Variants in SGCD observed in about 807,000 individuals in gnomAD.
SGCD encodes sarcoglycan delta.
In SGCD, 18 loss-of-function variants were observed where a neutral mutation model predicts 36.6. The ratio of observed to expected loss-of-function variants is 0.49; its 90% CI spans 0.34 to 0.73. The LOEUF (loss-of-function observed/expected upper bound fraction) is 0.73, where lower values mean the gene tolerates loss of function less well. Ranked by LOEUF, SGCD falls within the 30% of genes least tolerant of loss-of-function variation. SGCD has a pLI of 0.01. For missense variants in SGCD, 387 were observed against 346.7 expected (o/e 1.12, Z -0.92); for synonymous variants, 133 against 130.6 (o/e 1.02, Z -0.12).
intron 1 of SGCD, among the ~76,000 whole-genome samples, chr5:156,031,686 G>A (rs927230632): frequency 5.9e-5 from 9 of 152,172 alleles, no homozygotes; most frequent in Non-Finnish European, 1.2e-4. Flanking sequence ...AGTGTATGAT[G>A]TATGTCAGGC....
chr5:155,738,645 T>C, the SGCD span, among the ~76,000 whole-genome samples: 1 of 151,908 alleles, frequency 6.6e-6, no homozygotes, highest in Non-Finnish European at 1.5e-5. Flanking sequence ...TGTGAGAGTG[T>C]GTGTGTGTGA....
chr5:155,753,352 A>G, the SGCD span, among the ~76,000 whole-genome samples: 2 of 151,610 alleles, frequency 1.3e-5, no homozygotes, highest in African/African-American at 4.9e-5. Context: ...AAAGAAAGAA[A>G]GAAATGGGTC....
At chr5:156,697,227 G>A (rs1409780428) in intron 7 of SGCD, among the ~76,000 whole-genome samples, 1 of 151,920 alleles carries the variant, frequency 6.6e-6, no homozygotes. Flanking sequence ...ACTTTACATG[G>A]GCAAATTATA....
chr5:156,039,768 G>C (rs968188442), intron 1 of SGCD, among the ~76,000 whole-genome samples: 2 of 152,058 alleles, frequency 1.3e-5, no homozygotes, highest in African/African-American at 4.8e-5. Flanking sequence ...TTCTGTTTCA[G>C]CATCGTGAAA....
At chr5:156,628,525 A>T (rs552178141) in intron 6 of SGCD, among the ~76,000 whole-genome samples, 1 of 152,378 alleles carries the variant, frequency 6.6e-6, no homozygotes, top group Admixed American at 6.5e-5. Context: ...TACTTAGTTT[A>T]TAATGAGAAC....
At chr5:156,331,356 G>A (rs927214751) in intron 2 of SGCD, among the ~76,000 whole-genome samples, 7 of 152,202 alleles carry the variant, frequency 4.6e-5, no homozygotes, top group Non-Finnish European at 8.8e-5. Context: ...CTGTAGGACT[G>A]GGGAGGAACA....
intron 1 of SGCD, among the ~76,000 whole-genome samples, chr5:156,069,399 G>C (rs1397138749): frequency 6.6e-6 from 1 of 152,034 alleles, no homozygotes; most frequent in African/African-American, 2.4e-5. Flanking sequence ...CCCATTGCTT[G>C]TTTTTCTCAG....
chr5:155,782,807 G>T, the SGCD span, among the ~76,000 whole-genome samples: 1 of 152,104 alleles, frequency 6.6e-6, no homozygotes, highest in Non-Finnish European at 1.5e-5. Flanking sequence ...CTCCTTATGA[G>T]AATCTAATGC....
At chr5:156,293,791 T>C (rs1766822324) in intron 3 of SGCD, among the ~76,000 whole-genome samples, 1 of 152,152 alleles carries the variant, frequency 6.6e-6, no homozygotes, top group South Asian at 2.1e-4. Flanking sequence ...GTTTTGGCTC[T>C]TCAGGATCTC....
At chr5:156,328,399 T>A (rs1767912288) in intron 1 of SGCD, among the ~76,000 whole-genome samples, 1 of 152,234 alleles carries the variant, frequency 6.6e-6, no homozygotes, top group Non-Finnish European at 1.5e-5. Flanking sequence ...GAATGGAATC[T>A]TGGATACTTC....
intron 1 of SGCD, among the ~76,000 whole-genome samples, chr5:155,964,385 G>A (rs920806167): frequency 6.6e-6 from 1 of 151,906 alleles, no homozygotes; most frequent in Non-Finnish European, 1.5e-5. Context: ...TGTCACCCAG[G>A]TTGGAGTGCA....
chr5:155,777,044 T>G, the SGCD span, among the ~76,000 whole-genome samples: 15 of 152,066 alleles, frequency 9.9e-5, no homozygotes, highest in Non-Finnish European at 1.9e-4. Context: ...AGATCTGAAG[T>G]GTTGCTGTTG....
chr5:156,224,110 G>A (rs1399372387), intron 3 of SGCD, among the ~76,000 whole-genome samples: 1 of 151,862 alleles, frequency 6.6e-6, no homozygotes, highest in Non-Finnish European at 1.5e-5. Flanking sequence ...TGTTTTATAT[G>A]CCTCATTTTG....
the SGCD span, among the ~76,000 whole-genome samples, chr5:155,851,122 A>G: frequency 6.6e-6 from 1 of 152,208 alleles, no homozygotes. Context: ...AATTTAATCT[A>G]CATTCCTGTC....
At chr5:156,556,020 C>T (rs1759004902) in intron 4 of SGCD, among the ~76,000 whole-genome samples, 1 of 151,492 alleles carries the variant, frequency 6.6e-6, no homozygotes, top group South Asian at 2.1e-4. Context: ...TAAAGAATCC[C>T]ATTTTTCAAC....
At chr5:156,528,413 C>T (rs1018288973) in intron 4 of SGCD, among the ~76,000 whole-genome samples, 1 of 151,828 alleles carries the variant, frequency 6.6e-6, no homozygotes. Context: ...TTTTTTGCCA[C>T]CGTCTCCTTA....
At position 155,986,386 on chromosome 5, in the gene SGCD, A is replaced by T. The variant is rs137889245; in HGVS notation, c.-282+115962A>T. Among the ~76,000 whole-genome samples the T allele has an allele frequency of 1.9e-3, 292 of 152,316 alleles. 2 individuals carry two copies. Among genetic ancestry groups the T allele is most frequent in the African/African-American group, 6.8e-3 (282 of 41,568 alleles). Reference sequence around the variant, plus strand: ...AGTCTTCCAGCCTATGTGACAGCTGATTCACATGCATGGGTTCTAGGGAGC... The same window carrying T: ...AGTCTTCCAGCCTATGTGACAGCTGTTTCACATGCATGGGTTCTAGGGAGC... On this transcript the variant is annotated intron_variant, in intron 1 of 9. Coordinates refer to the SGCD transcript ENST00000517913.
chr5:156,681,414 G>A (rs79164027), intron 7 of SGCD, among the ~76,000 whole-genome samples: 2,461 of 152,180 alleles, frequency 0.016, 27 homozygotes, highest in Non-Finnish European at 0.026. Flanking sequence ...TCCTCTCCAC[G>A]CAGCCACTGG....
chr5:156,517,360 G>A (rs534571810), intron 4 of SGCD, among the ~76,000 whole-genome samples: 20 of 152,308 alleles, frequency 1.3e-4, no homozygotes, highest in African/African-American at 4.6e-4. Flanking sequence ...ATGAACGTAT[G>A]AATGATTGAG....
Sources: allele counts gnomAD v4.1 joint callset (sites outside exome capture counted in the v4.1 genomes callset), GRCh38; gene constraint gnomAD v4.1.1; transcripts MANE v1.5; gene names NCBI Gene and HGNC (gene_info 2026-07-23, HGNC 2026-07-21).